The following MRTFB variants were observed in gnomAD, a reference collection of about 807,000 sequenced individuals.
The protein encoded by MRTFB is myocardin related transcription factor B.
Under a neutral mutation model 104.2 loss-of-function variants are expected in MRTFB, and 29 were observed. The ratio of observed to expected loss-of-function variants is 0.28; its 90% CI spans 0.21 to 0.38. MRTFB has a LOEUF of 0.38. Ranked by LOEUF, MRTFB falls within the 10% of genes least tolerant of loss-of-function variation. The pLI, the probability that MRTFB is intolerant of heterozygous loss-of-function variation, is 1.00. For synonymous variants in MRTFB, 535 were observed against 519.5 expected, an observed-to-expected ratio of 1.03 and a Z score of -0.41; for missense variants, 1,270 against 1,341.6, an observed-to-expected ratio of 0.95 and a Z score of 0.83.
the MRTFB span, among the ~76,000 whole-genome samples, chr16:14,028,526 C>T: frequency 2.6e-5 from 4 of 152,176 alleles, no homozygotes; most frequent in African/African-American, 7.2e-5. Flanking sequence ...TCTGGCCATT[C>T]GGTTTGGCAC....
chr16:14,082,734 T>G (rs1229840812), intron 2 of MRTFB, among the ~76,000 whole-genome samples: 1 of 152,144 alleles, frequency 6.6e-6, no homozygotes, highest in Non-Finnish European at 1.5e-5. Flanking sequence ...AGCTGTGTGA[T>G]CGTACCACAG....
At chr16:14,193,375 G>T (rs1346581113) in intron 3 of MRTFB, among the ~76,000 whole-genome samples, 1 of 151,956 alleles carries the variant, frequency 6.6e-6, no homozygotes, top group Non-Finnish European at 1.5e-5. Context: ...GAAGCCGCTG[G>T]ACTTGCTCTC....
At chr16:14,067,537 A>G (rs572909421), upstream of MRTFB, among the ~76,000 whole-genome samples, 6 of 152,278 alleles carry the variant, frequency 3.9e-5, no homozygotes, top group African/African-American at 1.2e-4. Context: ...GTTAACCCTT[A>G]ACCACATCAA....
chr16:14,237,837 G>T (rs1266291689), intron 9 of MRTFB, among the ~76,000 whole-genome samples: 1 of 152,168 alleles, frequency 6.6e-6, no homozygotes, highest in East Asian at 1.9e-4. Flanking sequence ...GAGGATGGGG[G>T]TGAAATACTA....
intron 3 of MRTFB, among the ~76,000 whole-genome samples, chr16:14,175,600 A>G (rs2039554563): frequency 6.6e-6 from 1 of 152,216 alleles, no homozygotes; most frequent in African/African-American, 2.4e-5. Context: ...TACACTTTCT[A>G]CATGGCCAAG....
chr16:14,249,168 T>C (rs1287038520), intron 13 of MRTFB, 87 bp downstream of exon 13: 2 of 1,453,650 alleles, frequency 1.4e-6, no homozygotes, highest in African/African-American at 2.8e-5. Context: ...GTAAACGCCC[T>C]GGGAAGTTCC....
At chr16:14,071,731 A>C (rs373514827) in intron 1 of MRTFB, among the ~76,000 whole-genome samples, 5 of 152,224 alleles carry the variant, frequency 3.3e-5, no homozygotes, top group African/African-American at 1.2e-4. Context: ...GGGGCTGCAC[A>C]GAGAGGTGGA....
the MRTFB span, chr16:14,019,348 T>C: frequency 3.9e-5 from 6 of 152,200 alleles, no homozygotes; most frequent in Admixed American, 1.3e-4. Context: ...GGTGCTGTAA[T>C]TGAGTCTTCA....
chr16:14,142,046 G>A (rs1285268716), intron 3 of MRTFB: 1 of 151,310 alleles, frequency 6.6e-6, no homozygotes, highest in Non-Finnish European at 1.5e-5. Flanking sequence ...TCACCATGTT[G>A]GTCAGGCTGG....
chr16:14,090,879 G>GGTT (rs1555481470), intron 2 of MRTFB, among the ~76,000 whole-genome samples: 1 of 141,700 alleles, frequency 7.1e-6, no homozygotes, highest in Non-Finnish European at 1.5e-5. Context: ...AGTTCAGCAT[G>GGTT]GTGTGTGTGT....
rs115823868 is a variant in MRTFB, at chr16:14,247,348, G to T, written c.2088G>T (p.Ser696=). The T allele has an allele frequency of 6.2e-7, 1 of 1,614,168 alleles. No individual in the cohort carries two copies. ...AGGCAGAGCAGCAGAGTGTCGTCTC[G>T]CAGTTTTATGTGAGTTCCCAGGGAC... ...VGQAEQQSVV[S]QFYVSSQGQP... Residue 696 remains serine, a synonymous_variant, in exon 12 of 17, where the codon TCG becomes TCT. Transcript: ENST00000571589.
At chr16:14,013,837 C>T in the MRTFB span, among the ~76,000 whole-genome samples, 1 of 152,160 alleles carries the variant, frequency 6.6e-6, no homozygotes, top group Admixed American at 6.5e-5. Context: ...CAACCCTGAA[C>T]GTGACTTTTC....
At chr16:14,082,235 T>C (rs539961803) in intron 2 of MRTFB, among the ~76,000 whole-genome samples, 1 of 152,330 alleles carries the variant, frequency 6.6e-6, no homozygotes, top group Admixed American at 6.5e-5. Context: ...GAGATAAAGG[T>C]CTGATTTCAT....
chr16:14,062,913 C>G, the MRTFB span, among the ~76,000 whole-genome samples: 2 of 152,220 alleles, frequency 1.3e-5, no homozygotes, highest in East Asian at 3.9e-4. Flanking sequence ...ACCACTACCC[C>G]CAAAGCCAGC....
chr16:14,076,234 C>A (rs1024858711), intron 1 of MRTFB, among the ~76,000 whole-genome samples: 4 of 152,016 alleles, frequency 2.6e-5, no homozygotes, highest in Non-Finnish European at 5.9e-5. Context: ...CTCTGTCACC[C>A]AGGCTGGAGT....
chr16:14,068,537 C>T (rs2033544528), upstream of MRTFB, among the ~76,000 whole-genome samples: 1 of 152,114 alleles, frequency 6.6e-6, no homozygotes, highest in Non-Finnish European at 1.5e-5. Flanking sequence ...GAACCAACCA[C>T]TTGCCAACTG....
chr16:14,159,929 C>CAAAAAAAAAAA (rs552159164), intron 3 of MRTFB, among the ~76,000 whole-genome samples: 3 of 55,630 alleles, frequency 5.4e-5, no homozygotes, highest in Non-Finnish European at 8.4e-5. Context: ...GACTCCGTCT[C>CAAAAAAAAAAA]AAAAAAAAAA....
chr16:14,189,684 A>G (rs189064933), intron 3 of MRTFB, among the ~76,000 whole-genome samples: 23 of 152,304 alleles, frequency 1.5e-4, no homozygotes, highest in Middle Eastern at 3.4e-3. Flanking sequence ...AATTTTTTCA[A>G]ATGTCTGAAT....
chr16:14,233,934 T>C (rs766288307), intron 8 of MRTFB, among the ~76,000 whole-genome samples: 3 of 152,230 alleles, frequency 2.0e-5, no homozygotes, highest in Non-Finnish European at 4.4e-5. Context: ...TACTTGGCTT[T>C]AGTTATTCAC....
Sources: allele counts gnomAD v4.1 joint callset (sites outside exome capture counted in the v4.1 genomes callset), GRCh38; gene constraint gnomAD v4.1.1; transcripts MANE v1.5; gene names NCBI Gene and HGNC (gene_info 2026-07-23, HGNC 2026-07-21).